The following CCDC14 variants were observed in gnomAD, a reference collection of about 807,000 sequenced individuals.
CCDC14 encodes the protein coiled-coil domain-containing protein 14.
A neutral mutation model predicts 81.4 loss-of-function variants in CCDC14; 71 were observed. The ratio of observed to expected loss-of-function variants is 0.87; its 90% CI spans 0.72 to 1.06. CCDC14 has a LOEUF of 1.06. Ranked by LOEUF, CCDC14 falls within the 50% of genes least tolerant of loss-of-function variation. The probability of loss-of-function intolerance (pLI) is 0.00; values close to 1 mark genes in which losing one functional copy is unlikely to be tolerated. For synonymous variants in CCDC14, 332 were observed against 364.8 expected, an observed-to-expected ratio of 0.91 and a Z score of 1.03; for missense variants, 1,046 against 1,047.3, an observed-to-expected ratio of 1.00 and a Z score of 0.02.
chr3:123,890,718 A>C, the CCDC14 span, among the ~76,000 whole-genome samples: 1 of 152,090 alleles, frequency 6.6e-6, no homozygotes, highest in African/African-American at 2.4e-5. Flanking sequence ...ATGGGCTGGC[A>C]TTGAGTGTCT....
Position 123,946,357 on chromosome 3 carries a change from G to A in CCDC14, c.1201+446C>T, listed in dbSNP as rs1279233250. On this transcript the variant is annotated intron_variant, in intron 8 of 12. Transcript: ENST00000409697. ...CTGAAAAGGGCATAAGAAGGTATGC[G>A]TTACTTCTCAAAGTGAGATTTGTTA... 1.3e-4 allele frequency among the ~76,000 whole-genome samples: 20 copies of A among 152,058 alleles called. 1 individual carries two copies. Among genetic ancestry groups the A allele is most frequent in the Non-Finnish European group, 2.8e-4 (19 of 67,992 alleles).
intron 10 of CCDC14, 102 bp from the exon 11 acceptor site, chr3:123,931,628 T>G: frequency 3.1e-6 from 2 of 641,606 alleles, no homozygotes; most frequent in Non-Finnish European, 5.2e-6. Context: ...GCCTGAAATT[T>G]ATTGATTTTG....
Position 123,946,930 on chromosome 3 carries a change from G to A in CCDC14, c.1074C>T (p.Asn358=). 6 of 1,613,910 alleles carry A rather than the reference G, an allele frequency of 3.7e-6. No individual in the cohort carries two copies. Among genetic ancestry groups the A allele is most frequent in the Non-Finnish European group, 5.1e-6 (6 of 1,179,860 alleles). The change falls in exon 8 of 13, where the codon AAC becomes AAT. Residue 358 remains asparagine (N), a synonymous_variant. Transcript: ENST00000409697. ...REATSERKDL[N]IHVRDTKTVK... is the part of the protein sequence containing the mutation. ...CTGTTTTTGTATCTCGCACATGTAT[G>A]TTTAAATCCTTTCTTTCACTTGTGG...
intron 1 of CCDC14, chr3:123,957,807 A>G (rs2037413647): frequency 6.6e-6 from 1 of 152,042 alleles, no homozygotes; most frequent in African/African-American, 2.4e-5. Flanking sequence ...ATCTTTATTC[A>G]AAATAATTTT....
At chr3:123,951,914 T>C (rs1401866044) in intron 5 of CCDC14, among the ~76,000 whole-genome samples, 1 of 152,184 alleles carries the variant, frequency 6.6e-6, no homozygotes, top group Non-Finnish European at 1.5e-5. Context: ...TAACTTTACT[T>C]AACGATATGA....
intron 12 of CCDC14, among the ~76,000 whole-genome samples, chr3:123,920,221 T>C (rs1283851573): frequency 2.0e-5 from 3 of 151,744 alleles, no homozygotes; most frequent in Non-Finnish European, 2.9e-5. Flanking sequence ...GAAGAGGAAA[T>C]AAATCAAGAA....
chr3:123,943,862 A>G (rs957435215), intron 9 of CCDC14, among the ~76,000 whole-genome samples: 5 of 152,082 alleles, frequency 3.3e-5, no homozygotes, highest in African/African-American at 1.2e-4. Flanking sequence ...GCATCTCTTC[A>G]TCTGTATCCT....
At chr3:123,892,440 C>A (rs900822921), downstream of CCDC14, among the ~76,000 whole-genome samples, 17 of 152,316 alleles carry the variant, frequency 1.1e-4, no homozygotes, top group African/African-American at 3.8e-4. Context: ...GGCCTCCAGG[C>A]CTGTGATAGG....
In CCDC14 at chr3:123,946,806, G is replaced by C. The variant is rs765852762; in HGVS notation, c.1198C>G (p.Gln400Glu). 1.3e-5 allele frequency: 21 copies of C among 1,612,440 alleles called. No individual in the cohort carries two copies. Among genetic ancestry groups the C allele is most frequent in the Non-Finnish European group, 1.7e-5 (20 of 1,179,246 alleles). Reference protein sequence around the residue: ...LGELKALVAEQEDSEIQRLIT... With the variant: ...LGELKALVAEEEDSEIQRLIT... ...GAAAGTTATAAGTCCCATCTACCTTGTTCTGCTACCAGGGCCTTGAGCTCT... is the reference window on the plus strand; with the variant it reads ...GAAAGTTATAAGTCCCATCTACCTTCTTCTGCTACCAGGGCCTTGAGCTCT... The change falls in exon 8 of 13, where the codon CAA becomes GAA. Residue 400 changes from glutamine (Q) to glutamate (E), a missense_variant. Coordinates refer to ENST00000409697, the MANE Select transcript of CCDC14 (RefSeq NM_001366335.1).
At chr3:123,937,037 G>A (rs1014801188) in intron 9 of CCDC14, among the ~76,000 whole-genome samples, 2 of 152,064 alleles carry the variant, frequency 1.3e-5, no homozygotes, top group Non-Finnish European at 2.9e-5. Context: ...GCTGTTGCAT[G>A]TATCAATAGT....
intron 5 of CCDC14, among the ~76,000 whole-genome samples, chr3:123,904,999 T>A (rs2148762774): frequency 6.6e-6 from 1 of 151,942 alleles, no homozygotes; most frequent in East Asian, 1.9e-4. Flanking sequence ...CAGAGACAGG[T>A]AAAACAGATG....
At chr3:123,959,980 TC>T (rs1169076370) in intron 1 of CCDC14, among the ~76,000 whole-genome samples, 1 of 152,188 alleles carries the variant, frequency 6.6e-6, no homozygotes, top group African/African-American at 2.4e-5. Context: ...AATAAGCCTT[TC>T]TATCTACTGA....
chr3:123,913,347 T>C (rs1044447937), downstream of CCDC14: 5 of 981,130 alleles, frequency 5.1e-6, no homozygotes, highest in African/African-American at 8.8e-5. Context: ...CCAAATAGGA[T>C]TACCAGGTAA....
chr3:123,955,886 T>C lies in CCDC14; in HGVS notation c.309A>G (p.Arg103=). 1.3e-6 allele frequency: 2 copies of C among 1,536,978 alleles called. No individual in the cohort carries two copies. The highest frequency in any genetic ancestry group is 2.5e-5 in the East Asian group (1 of 40,738). ...ESKRYGSKKK[R]HEKHTIPLVV... ...CCAAAGGAATAGTATGTTTTTCATG[T>C]CTTTTCTTTTTTGATCCGTATCTTT... is the stretch of plus-strand genomic sequence containing the variant. Residue 103 remains arginine (R), a synonymous_variant, in exon 5 of 13, where the codon AGA becomes AGG. Coordinates refer to ENST00000409697, the MANE Select transcript of CCDC14 (RefSeq NM_001366335.1).
At chr3:123,886,341 T>C in the CCDC14 span, among the ~76,000 whole-genome samples, 5 of 151,284 alleles carry the variant, frequency 3.3e-5, no homozygotes, top group Admixed American at 3.3e-4. Flanking sequence ...CTTCCTTCTC[T>C]CTCTCTTTTT....
intron 9 of CCDC14, among the ~76,000 whole-genome samples, chr3:123,936,797 G>C (rs73184282): frequency 2.0e-5 from 3 of 151,870 alleles, no homozygotes; most frequent in Non-Finnish European, 4.4e-5. Context: ...CCTGTGACAC[G>C]TGTTTACCTA....
chr3:123,890,172 C>T, the CCDC14 span, among the ~76,000 whole-genome samples: 1 of 152,140 alleles, frequency 6.6e-6, no homozygotes, highest in African/African-American at 2.4e-5. Flanking sequence ...ATGACTCAAT[C>T]ATCTCCCACC....
intron 12 of CCDC14, among the ~76,000 whole-genome samples, chr3:123,916,134 G>T (rs926459187): frequency 1.3e-5 from 2 of 151,924 alleles, no homozygotes; most frequent in African/African-American, 2.4e-5. Flanking sequence ...GAGTAGCTGG[G>T]ATTACAGGTG....
At chr3:123,911,089 G>T (rs2034433778), downstream of CCDC14, among the ~76,000 whole-genome samples, 1 of 152,176 alleles carries the variant, frequency 6.6e-6, no homozygotes, top group Admixed American at 6.5e-5. Context: ...GGTGTGCTTG[G>T]AATCTTCCAG....
Sources: allele counts gnomAD v4.1 joint callset (sites outside exome capture counted in the v4.1 genomes callset), GRCh38; gene constraint gnomAD v4.1.1; transcripts MANE v1.5; gene names NCBI Gene and HGNC (gene_info 2026-07-23, HGNC 2026-07-21).